Variants in ASB18 observed in about 807,000 individuals in gnomAD.
The protein encoded by ASB18 is ankyrin repeat and SOCS box protein 18.
A neutral mutation model predicts 33.4 loss-of-function variants in ASB18; 33 were observed. The ratio of observed to expected loss-of-function variants is 0.99; its 90% CI spans 0.75 to 1.32. The LOEUF is 1.32. Among genes scored for constraint, ASB18 ranks in the 40% most tolerant of loss-of-function variants. The probability of loss-of-function intolerance (pLI) is 0.00; values close to 1 mark genes in which losing one functional copy is unlikely to be tolerated. For synonymous variants in ASB18, 295 were observed against 307.6 expected, an observed-to-expected ratio of 0.96 and a Z score of 0.43; for missense variants, 694 against 655.5, an observed-to-expected ratio of 1.06 and a Z score of -0.64.
At position 236,264,288 on chromosome 2, in the gene ASB18, A is replaced by G. The variant is rs753848625; in HGVS notation, c.58T>C (p.Leu20=). The G allele has an allele frequency of 7.4e-6, 12 of 1,613,836 alleles. No homozygotes were observed. The Admixed American group carries it at 8.3e-5, about 11-fold the overall frequency. Residue 20 remains leucine (L), a synonymous_variant, in exon 1 of 6, where the codon TTA becomes CTA. Transcript: ENST00000409749. The surrounding 1 kb of genome is among the most constrained non-coding windows in gnomAD (Gnocchi z 5.1). ...TCTTTGGCATCCAGGGCAGACTTTA[A>G]TCTCTTCACTAAATCTGAGTTGAGT... The part of the protein sequence containing the change: ...YPLNSDLVKR[L]KSALDAKDEE...
Position 236,225,351 on chromosome 2 carries a change from G to A in ASB18, c.597-10485C>T, listed in dbSNP as rs1207594956. Among the ~76,000 whole-genome samples, 3 of 152,142 alleles carry A rather than the reference G, an allele frequency of 2.0e-5. No homozygotes were observed. The highest frequency in any genetic ancestry group is 7.2e-5 in the African/African-American group (3 of 41,434). On this transcript the variant is annotated intron_variant, in intron 3 of 5. Transcript: ENST00000409749. The surrounding 1 kb of genome is among the most constrained non-coding windows in gnomAD (Gnocchi z 5.1). Reference sequence around the variant, plus strand: ...TGGTCTCAAACTCCTGGGCTCAAGCGATCCTCTAGCCTTGGCCTCCTAAAA... The same window carrying A: ...TGGTCTCAAACTCCTGGGCTCAAGCAATCCTCTAGCCTTGGCCTCCTAAAA...
Position 236,215,950 on chromosome 2 carries a change from T to A in ASB18, c.597-1084A>T, listed in dbSNP as rs988188432. On this transcript the variant is annotated intron_variant, in intron 3 of 5. Transcript: ENST00000409749. This position sits in a 1 kb window ranked among gnomAD's most constrained non-coding sequence, Gnocchi z 7.2. ...TTGCCATCTTTGCTCTATGGAGACC[T>A]GAGCCCTGGACCTCTCGTTTCTCTC... is the stretch of plus-strand genomic sequence containing the variant. Among the ~76,000 whole-genome samples the A allele has an allele frequency of 5.3e-5, 8 of 152,164 alleles. No individual in the cohort carries two copies. The highest frequency in any genetic ancestry group is 1.2e-4 in the African/African-American group (5 of 41,446).
rs868089060 is a variant in ASB18, at chr2:236,252,372, A to G, written c.206-10970T>C. ...GGGAGGGCAGACGTGGCCACCATCA[A>G]CTAGCGGTGGAATCAGATCACTGCT... is the stretch of plus-strand genomic sequence containing the variant. On this transcript the variant is annotated intron_variant, in intron 1 of 5. Coordinates refer to ENST00000409749, the MANE Select transcript of ASB18 (RefSeq NM_212556.4). The surrounding 1 kb of genome is among the most constrained non-coding windows in gnomAD (Gnocchi z 7.9). Among the ~76,000 whole-genome samples, 35 of 151,920 alleles carry G rather than the reference A, an allele frequency of 2.3e-4. No individual in the cohort carries two copies. Among genetic ancestry groups the G allele is most frequent in the African/African-American group, 8.0e-4 (33 of 41,390 alleles).
At chr2:236,206,951 G>C (rs2060437065) in intron 4 of ASB18, among the ~76,000 whole-genome samples, 1 of 152,240 alleles carries the variant, frequency 6.6e-6, no homozygotes, top group Non-Finnish European at 1.5e-5. Context: ...GGGAGGGACT[G>C]TCTGGTGGGT....
chr2:236,214,818 G>A lies in ASB18; in HGVS notation c.645C>T (p.Gly215=). 1 of 1,212,968 alleles carries A rather than the reference G, an allele frequency of 8.2e-7. No homozygotes were observed. The highest frequency in any genetic ancestry group is 3.8e-5 in the South Asian group (1 of 26,490). 75.1% of individuals were successfully genotyped at this position (1,212,968 alleles called of 1,614,324 possible). ...LEHGASVQRV[G]GTGRDTPLHV... is the part of the protein sequence containing the mutation. The stretch of plus-strand genomic sequence containing the variant: ...GCAGCGGCGTGTCCCGGCCCGTGCC[G>A]CCCACGCGCTGCACCGAGGCCCCGT... The change falls in exon 4 of 6, where the codon GGC becomes GGT. Residue 215 remains glycine, a synonymous_variant. Transcript: ENST00000409749. This position sits in a 1 kb window ranked among gnomAD's most constrained non-coding sequence, Gnocchi z 6.5.
Position 236,234,022 on chromosome 2 carries a change from C to T in ASB18, c.596+3667G>A, listed in dbSNP as rs984736932. 6.6e-6 allele frequency among the ~76,000 whole-genome samples: 1 copy of T among 152,176 alleles called. No homozygotes were observed. The highest frequency in any genetic ancestry group is 1.5e-5 in the Non-Finnish European group (1 of 68,036). ...TATTATAAAGTTACAATATTCAAGA[C>T]AGTATGGTATTGGTGTTAAAACAGG... On this transcript the variant is annotated intron_variant, in intron 3 of 5. Transcript: ENST00000409749. The surrounding 1 kb of genome is among the most constrained non-coding windows in gnomAD (Gnocchi z 4.1).
rs1222822968 is a variant in ASB18 at position 236,259,546 on chromosome 2, C to T, written c.205+4595G>A. ...TTCTGTCCCAGTGGGAAGGGATGGC[C>T]TTCCAGTGGACGTGACCTCCCCTGC... is the stretch of plus-strand genomic sequence containing the variant. On this transcript the variant is annotated intron_variant, in intron 1 of 5. Transcript: ENST00000409749. The surrounding 1 kb of genome is among the most constrained non-coding windows in gnomAD (Gnocchi z 4.4). 1 of 471,040 alleles carries T rather than the reference C, an allele frequency of 2.1e-6. No individual in the cohort carries two copies. Among genetic ancestry groups the T allele is most frequent in the African/African-American group, 2.0e-5 (1 of 50,090 alleles). The allele number at this position is 471,040 out of a possible 1,614,324, so 29.2% of individuals were successfully genotyped here.
At chr2:236,199,835 A>C (rs1354169514) in intron 4 of ASB18, among the ~76,000 whole-genome samples, 1 of 152,010 alleles carries the variant, frequency 6.6e-6, no homozygotes, top group Non-Finnish European at 1.5e-5. Flanking sequence ...CCATTATTGG[A>C]ATCAGGAAGG....
In ASB18 at chr2:236,203,908, C is replaced by A. The variant is rs2060419401; in HGVS notation, c.1102-7523G>T. Among the ~76,000 whole-genome samples the A allele has an allele frequency of 1.3e-5, 2 of 151,950 alleles. No homozygotes were observed. The highest frequency in any genetic ancestry group is 4.2e-4 in the South Asian group (2 of 4,802). On this transcript the variant is annotated intron_variant, in intron 4 of 5. Transcript: ENST00000409749. This position sits in a 1 kb window ranked among gnomAD's most constrained non-coding sequence, Gnocchi z 6.0. Reference sequence around the variant, plus strand: ...CAAACCAACCAACCAACCAACCAACCAACCAAACAAGGACATATCACCAAG... The same window carrying A: ...CAAACCAACCAACCAACCAACCAACAAACCAAACAAGGACATATCACCAAG...
rs1403837778 is a variant in ASB18 at position 236,235,129 on chromosome 2, G to A, written c.596+2560C>T. 6.6e-6 allele frequency among the ~76,000 whole-genome samples: 1 copy of A among 152,166 alleles called. No individual in the cohort carries two copies. The highest frequency in any genetic ancestry group is 6.5e-5 in the Admixed American group (1 of 15,282). On this transcript the variant is annotated intron_variant, in intron 3 of 5. Coordinates refer to ENST00000409749, the MANE Select transcript of ASB18 (RefSeq NM_212556.4). The surrounding 1 kb of genome is among the most constrained non-coding windows in gnomAD (Gnocchi z 6.2). ...AACCCAATTTTAAAAATGGGCAAAAGATTTGAACTGACACTTTACCAAAGA... is the reference window on the plus strand; with the variant it reads ...AACCCAATTTTAAAAATGGGCAAAAAATTTGAACTGACACTTTACCAAAGA...
chr2:236,214,301 G>C lies in ASB18; in HGVS notation c.1101+61C>G. On this transcript the variant is annotated intron_variant, in intron 4 of 5. Coordinates refer to ENST00000409749, the MANE Select transcript of ASB18 (RefSeq NM_212556.4). This position sits in a 1 kb window ranked among gnomAD's most constrained non-coding sequence, Gnocchi z 6.5. ...AGCGCCGCATGCAACCCAGCTCCCA[G>C]GCCGGTCACTAAGTGGCAAAACTCC... 3 of 1,517,814 alleles carry C rather than the reference G, an allele frequency of 2.0e-6. No homozygotes were observed. Among genetic ancestry groups the C allele is most frequent in the South Asian group, 1.2e-5 (1 of 81,978 alleles). 94.0% of individuals were successfully genotyped at this position (1,517,814 alleles called of 1,614,324 possible).
In ASB18 at chr2:236,200,130, T is replaced by A. The variant is rs1482857224; in HGVS notation, c.1102-3745A>T. Among the ~76,000 whole-genome samples the A allele has an allele frequency of 6.6e-6, 1 of 152,148 alleles. No homozygotes were observed. The highest frequency in any genetic ancestry group is 1.5e-5 in the Non-Finnish European group (1 of 68,028). On this transcript the variant is annotated intron_variant, in intron 4 of 5. Transcript: ENST00000409749. The surrounding 1 kb of genome is among the most constrained non-coding windows in gnomAD (Gnocchi z 4.2). Reference sequence around the variant, plus strand: ...GGGAGGCCGAGGTGGGTGGATCACCTGAGGTCAGGAGTTCGATACTAGCCT... The same window carrying A: ...GGGAGGCCGAGGTGGGTGGATCACCAGAGGTCAGGAGTTCGATACTAGCCT...
rs937084631 is a variant in ASB18 at position 236,256,790 on chromosome 2, A to AT, written c.205+7350dup. 1.3e-5 allele frequency among the ~76,000 whole-genome samples: 2 copies of AT among 151,806 alleles called. No individual in the cohort carries two copies. Among genetic ancestry groups the AT allele is most frequent in the Non-Finnish European group, 2.9e-5 (2 of 67,970 alleles). On this transcript the variant is annotated intron_variant, in intron 1 of 5. Transcript: ENST00000409749. The surrounding 1 kb of genome is among the most constrained non-coding windows in gnomAD (Gnocchi z 4.7). ...GGGAGCTGAGACGCGACCCTGTAGG[A>AT]TTTTTTTTCTTGTCCATATGCCTTT...
intron 4 of ASB18, among the ~76,000 whole-genome samples, chr2:236,202,797 ATAT>A (rs2060411282): frequency 1.4e-4 from 14 of 101,480 alleles, no homozygotes; most frequent in African/African-American, 5.7e-4. Flanking sequence ...AAAAAAAAAT[ATAT>A]ATATATATAT....
rs550853728 is a variant in ASB18, at chr2:236,240,629, T to C, written c.328+651A>G. Among the ~76,000 whole-genome samples the C allele has an allele frequency of 1.7e-3, 262 of 152,212 alleles. 1 individual carries two copies. Among genetic ancestry groups the C allele is most frequent in the African/African-American group, 6.2e-3 (256 of 41,528 alleles). ...GGTGGTCAGCAAGTGTCTGCACATC[T>C]TGAGTGGGCAGGGGGAGGAGGGGAC... On this transcript the variant is annotated intron_variant, in intron 2 of 5. Coordinates refer to ENST00000409749, the MANE Select transcript of ASB18 (RefSeq NM_212556.4).
chr2:236,237,581 GCGGGGGC>G lies in ASB18; in HGVS notation c.596+101_596+107del. The G allele has an allele frequency of 1.1e-6, 1 of 937,024 alleles. No individual in the cohort carries two copies. The highest frequency in any genetic ancestry group is 1.4e-6 in the Non-Finnish European group (1 of 692,188). The allele number at this position is 937,024 out of a possible 1,614,324, so 58.0% of individuals were successfully genotyped here. ...AAGGGTGCAGGGTCTGGGTCCGGAG[GCGGGGGC>G]TGGGACGGAGGCGGAGGCGGGGTCG... On this transcript the variant is annotated intron_variant, in intron 3 of 5. Coordinates refer to ENST00000409749, the MANE Select transcript of ASB18 (RefSeq NM_212556.4). This position sits in a 1 kb window ranked among gnomAD's most constrained non-coding sequence, Gnocchi z 6.2.
In ASB18 at chr2:236,264,087, C is replaced by T. The variant is rs1411305169; in HGVS notation, c.205+54G>A. The T allele has an allele frequency of 2.0e-6, 3 of 1,525,254 alleles. No homozygotes were observed. The highest frequency in any genetic ancestry group is 4.6e-5 in the East Asian group (2 of 43,928). The allele number at this position is 1,525,254 out of a possible 1,614,324, so 94.5% of individuals were successfully genotyped here. A position where few individuals can be genotyped will look rare whatever the true frequency, so the allele number is the denominator to read the frequency against. ...CTCTACCTCCAGGATCTGCCCACCC[C>T]ATCAGTGTAACTTAGTAATTAAATC... On this transcript the variant is annotated intron_variant, in intron 1 of 5. Transcript: ENST00000409749. The surrounding 1 kb of genome is among the most constrained non-coding windows in gnomAD (Gnocchi z 5.1).
chr2:236,243,631 G>C (rs1478418346), intron 1 of ASB18, among the ~76,000 whole-genome samples: 1 of 152,102 alleles, frequency 6.6e-6, no homozygotes, highest in Non-Finnish European at 1.5e-5. Flanking sequence ...TTCTTCCAGG[G>C]ACAGAGAACT....
chr2:236,212,054 T>G (rs1005235998), intron 4 of ASB18, among the ~76,000 whole-genome samples: 2 of 152,216 alleles, frequency 1.3e-5, no homozygotes, highest in Non-Finnish European at 2.9e-5. Flanking sequence ...CAACGCTTTT[T>G]GCAAAAGCCT....
Sources: allele counts gnomAD v4.1 joint callset (sites outside exome capture counted in the v4.1 genomes callset), GRCh38; gene constraint gnomAD v4.1.1; non-coding constraint Gnocchi (gnomAD v3.1); transcripts MANE v1.5; gene names NCBI Gene and HGNC (gene_info 2026-07-23, HGNC 2026-07-21).